The following NAB2 variants were observed in gnomAD, a reference collection of about 807,000 sequenced individuals.
The protein encoded by NAB2 is NGFI-A binding protein 2, also known as NGFI-A-binding protein 2.
A neutral mutation model predicts 44.2 loss-of-function variants in NAB2; 9 were observed. The observed-to-expected ratio is 0.20, with a 90% CI of 0.12 to 0.36. NAB2 has a LOEUF of 0.36. Ranked by LOEUF, NAB2 falls within the 10% of genes least tolerant of loss-of-function variation. The pLI is 1.00. For synonymous variants in NAB2, 342 were observed against 291.0 expected (o/e 1.18, Z -1.78); for missense variants, 514 against 709.0 (o/e 0.73, Z 3.12).
At position 57,091,696 on chromosome 12, in the gene NAB2, G is replaced by A; in HGVS notation, c.655G>A (p.Gly219Arg). ...CCCTGCAGGGGGAGGAGTCCCTGAGGGGACTGGGGCTGGGGGGCTGGCAGC... is the reference window on the plus strand; with the variant it reads ...CCCTGCAGGGGGAGGAGTCCCTGAGAGGACTGGGGCTGGGGGGCTGGCAGC... Reference protein sequence around the residue: ...SPPAGGGVPEGTGAGGLAAGG... With the variant: ...SPPAGGGVPERTGAGGLAAGG... Residue 219 changes from glycine (G) to arginine (R), a missense_variant, in exon 2 of 7, where the codon GGG becomes AGG. This residue lies in a region of NAB2 where 177 missense variants were observed against 200.5 expected (regional missense o/e 0.88). Transcript: ENST00000300131. This position sits in a 1 kb window ranked among gnomAD's most constrained non-coding sequence, Gnocchi z 7.3. The A allele has an allele frequency of 6.2e-7, 1 of 1,613,678 alleles. No individual in the cohort carries two copies. The highest frequency in any genetic ancestry group is 8.5e-7 in the Non-Finnish European group (1 of 1,179,774).
At chr12:57,092,850 T>A in intron 3 of NAB2, 67 bp from the exon 4 acceptor site, 1 of 1,576,900 alleles carries the variant, frequency 6.3e-7, no homozygotes, top group South Asian at 1.1e-5. Flanking sequence ...TCTGGCTGGG[T>A]TCTGTGCTCT....
intron 6 of NAB2, among the ~76,000 whole-genome samples, chr12:57,094,094 C>T (rs1481386151): frequency 6.8e-6 from 1 of 146,074 alleles, no homozygotes; most frequent in African/African-American, 2.5e-5. Context: ...CCAACCCTGG[C>T]TTGGTATTTT....
chr12:57,092,471 C>G lies in NAB2; in HGVS notation c.981C>G (p.Ala327=). ...AGCTCACCATCAACGAGGCTGCTGCCCAGTTCTGCATGAGGGACAACACGC... is the reference window on the plus strand; with the variant it reads ...AGCTCACCATCAACGAGGCTGCTGCGCAGTTCTGCATGAGGGACAACACGC... ...LHELTINEAA[A]QFCMRDNTLL... is the part of the protein sequence containing the mutation. The change falls in exon 3 of 7, where the codon GCC becomes GCG. Residue 327 remains alanine, a synonymous_variant. Coordinates refer to ENST00000300131, the MANE Select transcript of NAB2 (RefSeq NM_005967.4). The G allele has an allele frequency of 1.2e-6, 2 of 1,614,184 alleles. No homozygotes were observed. The highest frequency in any genetic ancestry group is 1.7e-6 in the Non-Finnish European group (2 of 1,180,030).
In NAB2 at chr12:57,095,403, C is replaced by T. The variant is rs1448468097; in HGVS notation, c.*682C>T. 1.3e-5 allele frequency: 2 copies of T among 152,674 alleles called. No homozygotes were observed. Among genetic ancestry groups the T allele is most frequent in the African/African-American group, 4.8e-5 (2 of 41,434 alleles). The allele number at this position is 152,674 out of a possible 1,614,324, so 9.5% of individuals were successfully genotyped here. On this transcript the variant is annotated 3_prime_UTR_variant, in exon 7 of 7. Transcript: ENST00000300131. The stretch of plus-strand genomic sequence containing the variant: ...GCACCTATCTGAGCAGTTAGAGCGT[C>T]TTTCTTTTCAGATTGTGTACAGTAG...
At position 57,094,775 on chromosome 12, in the gene NAB2, C is replaced by A; in HGVS notation, c.*54C>A. 2.1e-6 allele frequency: 3 copies of A among 1,398,176 alleles called. No homozygotes were observed. 86.6% of individuals were successfully genotyped at this position (1,398,176 alleles called of 1,614,324 possible). On this transcript the variant is annotated 3_prime_UTR_variant, in exon 7 of 7. Transcript: ENST00000300131. Reference sequence around the variant, plus strand: ...ACCTCAGACTTCTGGCTCACACAGACCCCCACGCTCTCCATCCCCGGAATC... The same window carrying A: ...ACCTCAGACTTCTGGCTCACACAGAACCCCACGCTCTCCATCCCCGGAATC...
At chr12:57,092,104 C>T in intron 2 of NAB2, 106 bp downstream of exon 2, 1 of 1,463,686 alleles carries the variant, frequency 6.8e-7, no homozygotes, top group Non-Finnish European at 9.0e-7. Context: ...ATCTCTTGAC[C>T]AGGACCCCAG....
chr12:57,092,281 G>A, intron 2 of NAB2, 167 bp from the exon 3 acceptor site: 5 of 1,125,814 alleles, frequency 4.4e-6, no homozygotes, highest in Non-Finnish European at 6.3e-6. Flanking sequence ...AGCTGTGGGT[G>A]CTGACCTCTG....
rs759177081 is a variant in NAB2, at chr12:57,091,614, A to G, written c.573A>G (p.Pro191=). The part of the protein sequence containing the change: ...DPRIWPGRST[P]ESDVGAGGEE... The stretch of plus-strand genomic sequence containing the variant: ...GGATCTGGCCAGGCCGGAGCACTCC[A>G]GAGTCGGACGTTGGGGCAGGAGGAG... The change falls in exon 2 of 7, where the codon CCA becomes CCG. Residue 191 remains proline (P), a synonymous_variant. Coordinates refer to ENST00000300131, the MANE Select transcript of NAB2 (RefSeq NM_005967.4). The surrounding 1 kb of genome is among the most constrained non-coding windows in gnomAD (Gnocchi z 7.3). 4.7e-5 allele frequency: 76 copies of G among 1,604,762 alleles called. No individual in the cohort carries two copies. The highest frequency in any genetic ancestry group is 5.7e-5 in the Non-Finnish European group (67 of 1,174,692).
chr12:57,093,582 G>T lies in NAB2; in HGVS notation c.1452G>T (p.Ala484=). Residue 484 remains alanine (A), a synonymous_variant, in exon 6 of 7, where the codon GCG becomes GCT. Transcript: ENST00000300131. ...GCCGCCTCAGCCCCTGTGTGCCTGC[G>T]AAGCCACCTCTCGCAGGTGAGGCAG... The part of the protein sequence containing the change: ...RVGRLSPCVP[A]KPPLAEFEEG... 1 of 1,519,754 alleles carries T rather than the reference G, an allele frequency of 6.6e-7. No homozygotes were observed. The highest frequency in any genetic ancestry group is 1.2e-5 in the South Asian group (1 of 80,092). 94.1% of individuals were successfully genotyped at this position (1,519,754 alleles called of 1,614,324 possible). A position where few individuals can be genotyped will look rare whatever the true frequency, so the allele number is the denominator to read the frequency against.
intron 1 of NAB2, among the ~76,000 whole-genome samples, chr12:57,090,764 G>C (rs545129632): frequency 3.3e-5 from 5 of 152,236 alleles, no homozygotes; most frequent in Non-Finnish European, 5.9e-5. Context: ...TGTTTTGGGG[G>C]AGAGGGAGGT....
At chr12:57,089,946 A>G (rs577328177) in intron 1 of NAB2, among the ~76,000 whole-genome samples, 1 of 152,200 alleles carries the variant, frequency 6.6e-6, no homozygotes, top group African/African-American at 2.4e-5. Flanking sequence ...GGGAGAGGAG[A>G]GTAGGCGGGA....
intron 6 of NAB2, 44 bp from the exon 7 acceptor site, chr12:57,094,568 G>A: frequency 6.8e-7 from 1 of 1,474,746 alleles, no homozygotes; most frequent in Non-Finnish European, 9.3e-7. Flanking sequence ...TCTGTCTGCA[G>A]CCAGTCACCC....
intron 4 of NAB2, 23 bp downstream of exon 4, chr12:57,092,991 A>AG: frequency 6.2e-7 from 1 of 1,614,138 alleles, no homozygotes; most frequent in Middle Eastern, 1.6e-4. Flanking sequence ...GGGTGCATAT[A>AG]GGGGCACTGG....
At position 57,091,672 on chromosome 12, in the gene NAB2, C is replaced by A. The variant is rs2233271; in HGVS notation, c.631C>A (p.Pro211Thr). The A allele has an allele frequency of 1.6e-5, 25 of 1,611,680 alleles. No homozygotes were observed. The highest frequency in any genetic ancestry group is 3.3e-4 in the Middle Eastern group (2 of 6,048). ...GGCTGGCTCGCCCCCCTTCTCCCCC[C>A]CTGCAGGGGGAGGAGTCCCTGAGGG... ...EEAGSPPFSP[P>T]AGGGVPEGTG... Residue 211 changes from proline to threonine, a missense_variant, in exon 2 of 7, where the codon CCT (proline) becomes ACT (threonine). Physicochemically the swap from Pro to Thr is conservative, Grantham distance 38. Transcript: ENST00000300131. The surrounding 1 kb of genome is among the most constrained non-coding windows in gnomAD (Gnocchi z 7.3).
chr12:57,090,892 C>T (rs2033171043), intron 1 of NAB2, among the ~76,000 whole-genome samples: 1 of 152,212 alleles, frequency 6.6e-6, no homozygotes, highest in Non-Finnish European at 1.5e-5. Context: ...CAGACACAGG[C>T]CACTGACTTT....
rs1182761004 is a variant in NAB2, at chr12:57,091,738, G to A, written c.697G>A (p.Gly233Ser). Reference protein sequence around the residue: ...GGLAAGGTGGGPDRLEPEMVR... With the variant: ...GGLAAGGTGGSPDRLEPEMVR... ...GCTGGCAGCAGGTGGGACTGGGGGT[G>A]GTCCAGACCGACTGGAGCCAGAGAT... Residue 233 changes from glycine to serine, a missense_variant, in exon 2 of 7, where the codon GGT becomes AGT. Physicochemically the swap from Gly to Ser is moderately conservative, Grantham distance 56. Around this residue, in one of 5 missense-constraint regions of NAB2, gnomAD observed 177 missense variants for 200.5 expected, o/e 0.88. Coordinates refer to ENST00000300131, the MANE Select transcript of NAB2 (RefSeq NM_005967.4). The surrounding 1 kb of genome is among the most constrained non-coding windows in gnomAD (Gnocchi z 7.3). 6.2e-7 allele frequency: 1 copy of A among 1,614,060 alleles called. No individual in the cohort carries two copies. The highest frequency in any genetic ancestry group is 8.5e-7 in the Non-Finnish European group (1 of 1,179,936).
intron 1 of NAB2, among the ~76,000 whole-genome samples, chr12:57,089,696 C>T (rs917639498): frequency 6.6e-6 from 1 of 151,890 alleles, no homozygotes; most frequent in African/African-American, 2.4e-5. Context: ...GGTGGGGGGA[C>T]GCTCAGTTGC....
Position 57,093,485 on chromosome 12 carries a change from G to A in NAB2, c.1355G>A (p.Arg452Gln), listed in dbSNP as rs2033242932. ...LALPAHGLWS[R>Q]HILQQTLMDE... ...TTGCCAGCCCATGGGCTATGGAGCC[G>A]ACACATCCTGCAGCAGACACTGATG... The change falls in exon 6 of 7, where the codon CGA (arginine) becomes CAA (glutamine). Residue 452 changes from arginine (R) to glutamine (Q), a missense_variant. Transcript: ENST00000300131. 5 of 1,596,194 alleles carry A rather than the reference G, an allele frequency of 3.1e-6. No homozygotes were observed. The highest frequency in any genetic ancestry group is 1.1e-5 in the South Asian group (1 of 88,254).
chr12:57,089,118 A>G lies in NAB2; in HGVS notation c.-154A>G. The G allele has an allele frequency of 2.6e-6, 2 of 764,832 alleles. No individual in the cohort carries two copies. Among genetic ancestry groups the G allele is most frequent in the East Asian group, 2.8e-5 (1 of 35,360 alleles). 47.4% of individuals were successfully genotyped at this position (764,832 alleles called of 1,614,324 possible). On this transcript the variant is annotated 5_prime_UTR_variant, in exon 1 of 7. Transcript: ENST00000300131. ...AGGGTGGGGGGGCAGAGGCACAGAC[A>G]GAGGCGCGGAGGCTCGGAGAGAGAA...
Sources: gnomAD v4.1 joint callset for allele counts (sites outside exome capture counted in the v4.1 genomes callset) on GRCh38, gnomAD v4.1.1 for gene constraint, gnomAD v4.1.1 regional missense constraint, Gnocchi (gnomAD v3.1) non-coding constraint, MANE v1.5 for transcripts, NCBI Gene and HGNC (gene_info 2026-07-23, HGNC 2026-07-21) for gene names.